NCKAP5: variants seen among roughly 807,000 people sequenced by gnomAD.
NCKAP5 encodes the protein NCK associated protein 5.
NCKAP5 carries 92 observed loss-of-function variants against 167.0 expected under a neutral mutation model. The observed-to-expected ratio is 0.55, with a 90% confidence interval of 0.47 to 0.66. The LOEUF is 0.66. NCKAP5 is among the 30% of genes least tolerant of loss of function. The pLI, the probability that NCKAP5 is intolerant of heterozygous loss-of-function variation, is 0.00. For missense variants in NCKAP5, 2,378 were observed against 2,315.0 expected (o/e 1.03, Z -0.56); for synonymous variants, 891 against 877.4 (o/e 1.02, Z -0.27).
intron 3 of NCKAP5, among the ~76,000 whole-genome samples, chr2:133,511,675 C>T (rs1683507134): frequency 6.6e-6 from 1 of 152,352 alleles, no homozygotes; most frequent in East Asian, 1.9e-4. Flanking sequence ...ATACCTGGCT[C>T]AGGCCATGGT....
chr2:133,163,431 G>A (rs780882381), intron 5 of NCKAP5, among the ~76,000 whole-genome samples: 3 of 152,146 alleles, frequency 2.0e-5, no homozygotes, highest in East Asian at 1.9e-4. Context: ...CATAGAAGAC[G>A]GGAGATGAAT....
In NCKAP5 at chr2:132,878,915, G is replaced by A. The variant is rs767637074; in HGVS notation, c.581C>T (p.Ala194Val). 4 of 1,611,548 alleles carry A rather than the reference G, an allele frequency of 2.5e-6. No homozygotes were observed. In the African/African-American group the frequency reaches 5.3e-5, roughly 22 times the overall value. The change falls in exon 9 of 20, where the codon GCA (alanine) becomes GTA (valine). Residue 194 changes from alanine to valine, a missense_variant and splice_region_variant. Coordinates refer to ENST00000409261, the MANE Select transcript of NCKAP5 (RefSeq NM_207363.3). ...CTCCAAAGCCAACGCTGAATTCTCT[G>A]CCTGCAGTAAGATACAAAAATAACA... ...LLLERLKALEAENSALALENE... is the reference protein window; with the variant it reads ...LLLERLKALEVENSALALENE...
intron 8 of NCKAP5, among the ~76,000 whole-genome samples, chr2:132,928,746 G>A (rs1286610091): frequency 6.6e-6 from 1 of 152,062 alleles, no homozygotes; most frequent in African/African-American, 2.4e-5. Context: ...ATAACACTGT[G>A]GTGGGAGCCA....
At chr2:132,844,318 C>T (rs889515106) in intron 11 of NCKAP5, among the ~76,000 whole-genome samples, 2 of 151,974 alleles carry the variant, frequency 1.3e-5, no homozygotes, top group African/African-American at 4.8e-5. Context: ...TGAATAAATT[C>T]TTACTGTAAA....
intron 6 of NCKAP5, among the ~76,000 whole-genome samples, chr2:133,061,961 G>GAA (rs566455626): frequency 1.3e-5 from 2 of 149,884 alleles, no homozygotes; most frequent in South Asian, 2.1e-4. Flanking sequence ...AAGTTCAAAT[G>GAA]AAAAAAAAAT....
At chr2:133,478,911 G>GC (rs1242977948) in intron 3 of NCKAP5, among the ~76,000 whole-genome samples, 17 of 152,042 alleles carry the variant, frequency 1.1e-4, no homozygotes, top group African/African-American at 4.1e-4. Flanking sequence ...CACTAGATCC[G>GC]CCCAATTGTC....
chr2:132,789,463 C>T (rs897335174), intron 13 of NCKAP5, among the ~76,000 whole-genome samples: 3 of 152,178 alleles, frequency 2.0e-5, no homozygotes, highest in Non-Finnish European at 4.4e-5. Context: ...ATCAATATCT[C>T]CTGGGAGTTC....
At chr2:133,128,429 G>T (rs2149788568) in intron 6 of NCKAP5, among the ~76,000 whole-genome samples, 1 of 152,270 alleles carries the variant, frequency 6.6e-6, no homozygotes, top group South Asian at 2.1e-4. Context: ...TTCCTCCCAT[G>T]GAATTGAAGG....
intron 8 of NCKAP5, among the ~76,000 whole-genome samples, chr2:132,898,045 T>C (rs755638024): frequency 6.6e-6 from 1 of 152,254 alleles, no homozygotes; most frequent in Non-Finnish European, 1.5e-5. Context: ...GCAATGCTGT[T>C]TGATAGCATT....
At chr2:132,718,686 G>C (rs986369404) in intron 19 of NCKAP5, among the ~76,000 whole-genome samples, 1 of 152,102 alleles carries the variant, frequency 6.6e-6, no homozygotes, top group Non-Finnish European at 1.5e-5. Flanking sequence ...AGCCATGCTG[G>C]GTCTTTCTTT....
chr2:132,677,131 C>T (rs1017568398), intron 19 of NCKAP5, among the ~76,000 whole-genome samples: 1 of 152,042 alleles, frequency 6.6e-6, no homozygotes, highest in Non-Finnish European at 1.5e-5. Flanking sequence ...CTGTGTTGTG[C>T]TTCATCAGAA....
intron 3 of NCKAP5, among the ~76,000 whole-genome samples, chr2:133,408,755 C>T (rs1688598445): frequency 6.6e-6 from 1 of 152,214 alleles, no homozygotes. Context: ...AATGGTGTGC[C>T]AGCCACTGGC....
the NCKAP5 span, among the ~76,000 whole-genome samples, chr2:133,637,995 A>G: frequency 3.4e-3 from 511 of 152,296 alleles, 2 homozygotes; most frequent in African/African-American, 0.012. Context: ...TCAAAAATAT[A>G]TAGGTTAGAA....
Position 132,851,419 on chromosome 2 carries a change from T to C in NCKAP5, c.807+9073A>G, listed in dbSNP as rs183812275. ...GAGAGTATCTTGCCCTGAGAATCTT[T>C]ATCTTCATCCCCCTGATCACACTGG... On this transcript the variant is annotated intron_variant, in intron 11 of 19. Coordinates refer to ENST00000409261, the MANE Select transcript of NCKAP5 (RefSeq NM_207363.3). Among the ~76,000 whole-genome samples the C allele has an allele frequency of 1.4e-3, 210 of 152,290 alleles. 1 individual carries two copies. Among genetic ancestry groups the C allele is most frequent in the African/African-American group, 4.8e-3 (199 of 41,564 alleles).
chr2:133,168,839 ACTT>A (rs1288473515), intron 5 of NCKAP5, among the ~76,000 whole-genome samples: 1 of 152,190 alleles, frequency 6.6e-6, no homozygotes, highest in Non-Finnish European at 1.5e-5. Flanking sequence ...GACTCAAAGT[ACTT>A]CTCAAATAAA....
intron 8 of NCKAP5, among the ~76,000 whole-genome samples, chr2:132,911,660 A>G (rs1045775456): frequency 2.6e-5 from 4 of 152,144 alleles, no homozygotes; most frequent in African/African-American, 9.7e-5. Flanking sequence ...AAATGCTGGC[A>G]CTGTTTTCTA....
Position 133,202,356 on chromosome 2 carries a change from C to A in NCKAP5, c.207+11360G>T, listed in dbSNP as rs533789064. Among the ~76,000 whole-genome samples the A allele has an allele frequency of 6.6e-5, 10 of 152,236 alleles. 1 individual carries two copies. The South Asian group carries it at 2.1e-3, about 32-fold the overall frequency. On this transcript the variant is annotated intron_variant, in intron 5 of 19. Coordinates refer to ENST00000409261, the MANE Select transcript of NCKAP5 (RefSeq NM_207363.3). ...CATATGGAGAAAGCTGAAACTGGATCCCTTCCTTACACCTTATACAAAAAT... is the reference window on the plus strand; with the variant it reads ...CATATGGAGAAAGCTGAAACTGGATACCTTCCTTACACCTTATACAAAAAT...
intron 19 of NCKAP5, chr2:132,714,812 CAA>C (rs11329925): frequency 0.097 from 35,417 of 363,630 alleles, 168 homozygotes; most frequent in Middle Eastern, 0.13. Flanking sequence ...GAATCCATCT[CAA>C]AAAAAAAAAA....
the NCKAP5 span, among the ~76,000 whole-genome samples, chr2:133,631,421 T>A: frequency 2.6e-5 from 4 of 152,248 alleles, no homozygotes; most frequent in African/African-American, 9.6e-5. Flanking sequence ...TTAATAAATG[T>A]AAAACAGCTG....
Sources: allele counts gnomAD v4.1 joint callset (sites outside exome capture counted in the v4.1 genomes callset), GRCh38; gene constraint gnomAD v4.1.1; transcripts MANE v1.5; gene names NCBI Gene and HGNC (gene_info 2026-07-23, HGNC 2026-07-21).